Variants in SPECC1L observed in about 807,000 individuals in gnomAD.
SPECC1L encodes the protein sperm antigen with calponin homology and coiled-coil domains 1 like.
SPECC1L carries 40 observed loss-of-function variants against 116.8 expected under a neutral mutation model. That is an observed-to-expected ratio of 0.34 (90% CI 0.27 to 0.45). The LOEUF is 0.45. Ranked by LOEUF, SPECC1L falls within the 20% of genes least tolerant of loss-of-function variation. SPECC1L has a pLI of 1.00. For synonymous variants in SPECC1L, 504 were observed against 500.6 expected, an observed-to-expected ratio of 1.01 and a Z score of -0.09; for missense variants, 1,110 against 1,373.6, an observed-to-expected ratio of 0.81 and a Z score of 3.03.
intron 14 of SPECC1L, among the ~76,000 whole-genome samples, chr22:24,389,488 G>C (rs1412070988): frequency 6.7e-6 from 1 of 149,256 alleles, no homozygotes; most frequent in East Asian, 1.9e-4. Context: ...TTTTGTCCAG[G>C]TTTATATTTG....
intron 14 of SPECC1L, among the ~76,000 whole-genome samples, chr22:24,405,774 G>C (rs2042578963): frequency 6.6e-6 from 1 of 151,366 alleles, no homozygotes. Context: ...AGGAGGCGGA[G>C]CTTGCAGTGA....
At chr22:24,347,256 T>A in intron 11 of SPECC1L, 80 bp downstream of exon 11, 1 of 1,055,802 alleles carries the variant, frequency 9.5e-7, no homozygotes, top group Non-Finnish European at 1.5e-6. Flanking sequence ...CTAAATATTT[T>A]CTTTGCTCTT....
Position 24,330,270 on chromosome 22 carries a change from A to G in SPECC1L, c.2235A>G (p.Glu745=). The G allele has an allele frequency of 6.2e-7, 1 of 1,614,130 alleles. No individual in the cohort carries two copies. Residue 745 remains glutamate, a synonymous_variant, in exon 8 of 17, where the codon GAA becomes GAG. Coordinates refer to ENST00000314328, the MANE Select transcript of SPECC1L (RefSeq NM_015330.6). ...LHRRLREESA[E]WRQFQADLQT... ...TTTTAATATAGGAAGAATCTGCGGA[A>G]TGGCGGCAGTTTCAGGCTGATCTCC... is the stretch of plus-strand genomic sequence containing the variant.
At chr22:24,305,351 C>G (rs893416959) in intron 3 of SPECC1L, among the ~76,000 whole-genome samples, 5 of 152,174 alleles carry the variant, frequency 3.3e-5, no homozygotes, top group Non-Finnish European at 7.3e-5. Context: ...CTGTCCTCCC[C>G]CAAAGTAACT....
chr22:24,373,350 C>T (rs1278013397), intron 14 of SPECC1L, among the ~76,000 whole-genome samples: 2 of 152,198 alleles, frequency 1.3e-5, no homozygotes, highest in Non-Finnish European at 1.5e-5. Context: ...AAGCTGGAGG[C>T]ATCACACTAC....
chr22:24,295,129 C>T (rs2049234012), intron 2 of SPECC1L, among the ~76,000 whole-genome samples: 1 of 150,946 alleles, frequency 6.6e-6, no homozygotes, highest in Non-Finnish European at 1.5e-5. Context: ...GCTGTGAACC[C>T]TGTCCTGAGG....
chr22:24,296,510 A>G (rs1294481315), intron 2 of SPECC1L, among the ~76,000 whole-genome samples: 3 of 152,380 alleles, frequency 2.0e-5, no homozygotes, highest in East Asian at 3.9e-4. Context: ...CCAAACCTTG[A>G]CTTTCCTGGA....
chr22:24,404,798 G>C lies in SPECC1L; in HGVS notation c.3088-6790G>C, dbSNP rs745575028. On this transcript the variant is annotated intron_variant, in intron 14 of 16. Coordinates refer to ENST00000314328, the MANE Select transcript of SPECC1L (RefSeq NM_015330.6). The stretch of plus-strand genomic sequence containing the variant: ...ATGCCCGCCCACCCATGAAACCCCA[G>C]GTGAGGACTCGCTGAGTGTGCAAAT... 2.6e-4 allele frequency among the ~76,000 whole-genome samples: 39 copies of C among 152,268 alleles called. 1 individual carries two copies. The highest frequency in any genetic ancestry group is 5.7e-4 in the Non-Finnish European group (39 of 68,022).
At chr22:24,373,302 G>A (rs957624446) in intron 14 of SPECC1L, among the ~76,000 whole-genome samples, 2 of 152,120 alleles carry the variant, frequency 1.3e-5, no homozygotes, top group African/African-American at 4.8e-5. Context: ...AACCAAAAAA[G>A]GCCTGCATTG....
Position 24,316,900 on chromosome 22 carries a change from G to T in SPECC1L, c.307+3434G>T, listed in dbSNP as rs546564280. Among the ~76,000 whole-genome samples, 438 of 122,362 alleles carry T rather than the reference G, an allele frequency of 3.6e-3. 34 individuals carry two copies. The highest frequency in any genetic ancestry group is 0.016 in the Middle Eastern group (4 of 244). The allele number at this position is 122,362 out of a possible 152,430, so 80.3% of individuals were successfully genotyped here. A position where few individuals can be genotyped will look rare whatever the true frequency, so the allele number is the denominator to read the frequency against. The stretch of plus-strand genomic sequence containing the variant: ...CCTCCTGGATGGGGCGGCTGGCCGG[G>T]CGGGGGGCTGACCCCCCCAACCTCC... On this transcript the variant is annotated intron_variant, in intron 4 of 16. Transcript: ENST00000314328.
chr22:24,323,115 C>T, intron 5 of SPECC1L, 197 bp downstream of exon 5: 1 of 982,520 alleles, frequency 1.0e-6, no homozygotes, highest in African/African-American at 1.7e-5. Flanking sequence ...GTCACTTTCT[C>T]TCACTTGTAT....
chr22:24,377,448 A>G (rs1207554435), intron 14 of SPECC1L, among the ~76,000 whole-genome samples: 1 of 152,182 alleles, frequency 6.6e-6, no homozygotes, highest in Non-Finnish European at 1.5e-5. Context: ...ATTTGTGTAC[A>G]ACAAATTTTT....
chr22:24,346,035 C>T (rs1199352350), intron 10 of SPECC1L, among the ~76,000 whole-genome samples: 1 of 148,984 alleles, frequency 6.7e-6, no homozygotes, highest in Non-Finnish European at 1.5e-5. Context: ...GAGATGGAGT[C>T]TCACAATGTC....
At chr22:24,373,410 C>T (rs1452732524) in intron 14 of SPECC1L, among the ~76,000 whole-genome samples, 1 of 152,170 alleles carries the variant, frequency 6.6e-6, no homozygotes, top group Non-Finnish European at 1.5e-5. Context: ...CAGCATGGTA[C>T]TGGTACCAAA....
rs1280336258 is a variant in SPECC1L, at chr22:24,416,016, C to T, written c.*1393C>T. The T allele has an allele frequency of 6.6e-6, 1 of 152,240 alleles. No homozygotes were observed. The highest frequency in any genetic ancestry group is 2.4e-5 in the African/African-American group (1 of 41,440). The allele number at this position is 152,240 out of a possible 1,614,324, so 9.4% of individuals were successfully genotyped here. A position where few individuals can be genotyped will look rare whatever the true frequency, so the allele number is the denominator to read the frequency against. On this transcript the variant is annotated 3_prime_UTR_variant, in exon 17 of 17. Coordinates refer to ENST00000314328, the MANE Select transcript of SPECC1L (RefSeq NM_015330.6). ...TGCATAGCACCATGAGGAAGACCAG[C>T]CACCAGTGGAAGCGGGGTCACTGCC... is the stretch of plus-strand genomic sequence containing the variant.
intron 14 of SPECC1L, among the ~76,000 whole-genome samples, chr22:24,400,830 G>C (rs2042459593): frequency 6.6e-6 from 1 of 152,188 alleles, no homozygotes; most frequent in African/African-American, 2.4e-5. Context: ...GCCTTCTCAT[G>C]TGCTTGTTGG....
chr22:24,296,575 G>A (rs369202291), intron 2 of SPECC1L, among the ~76,000 whole-genome samples: 1 of 152,232 alleles, frequency 6.6e-6, no homozygotes, highest in Non-Finnish European at 1.5e-5. Context: ...AGTTGGAGAA[G>A]AGAGAGTGGT....
At chr22:24,352,540 T>A (rs906830428) in intron 11 of SPECC1L, among the ~76,000 whole-genome samples, 15 of 152,018 alleles carry the variant, frequency 9.9e-5, no homozygotes, top group Non-Finnish European at 1.5e-4. Context: ...GAAAAAAAAA[T>A]GATTTATGTT....
intron 14 of SPECC1L, among the ~76,000 whole-genome samples, chr22:24,386,952 C>T (rs1296441122): frequency 6.6e-6 from 1 of 152,108 alleles, no homozygotes; most frequent in Non-Finnish European, 1.5e-5. Context: ...TATAGCCAGG[C>T]TTTGCTATGT....
Sources: allele counts gnomAD v4.1 joint callset (sites outside exome capture counted in the v4.1 genomes callset), GRCh38; gene constraint gnomAD v4.1.1; transcripts MANE v1.5; gene names NCBI Gene and HGNC (gene_info 2026-07-23, HGNC 2026-07-21).